IGF1: variants seen among roughly 807,000 people sequenced by gnomAD.
The protein encoded by IGF1 is insulin-like growth factor 1.
In IGF1, 4 loss-of-function variants were observed where a neutral mutation model predicts 13.8. The ratio of observed to expected loss-of-function variants is 0.29; its 90% CI spans 0.14 to 0.66. The LOEUF is 0.66. Ranked by LOEUF, IGF1 falls within the 30% of genes least tolerant of loss-of-function variation. The pLI, the probability that IGF1 is intolerant of heterozygous loss-of-function variation, is 0.78. For synonymous variants in IGF1, 76 were observed against 72.6 expected (o/e 1.05, Z -0.23); for missense variants, 124 against 188.5 (o/e 0.66, Z 2.00).
intron 2 of IGF1, chr12:102,463,084 A>G (rs1880047098): frequency 1.3e-5 from 2 of 152,224 alleles, no homozygotes; most frequent in African/African-American, 4.8e-5. Flanking sequence ...ATGTTTCAGG[A>G]ATAACAAAGC....
chr12:102,479,242 T>G (rs1469604744), intron 1 of IGF1, among the ~76,000 whole-genome samples: 1 of 152,188 alleles, frequency 6.6e-6, no homozygotes, highest in East Asian at 1.9e-4. Context: ...GGGTGTATCT[T>G]TAACTCCTGG....
chr12:102,405,694 G>T (rs1383530364), intron 3 of IGF1, among the ~76,000 whole-genome samples: 1 of 152,144 alleles, frequency 6.6e-6, no homozygotes, highest in Non-Finnish European at 1.5e-5. Context: ...CATCTGCAAT[G>T]CCCAAACTAA....
At chr12:102,457,037 C>A (rs1329125473) in intron 2 of IGF1, among the ~76,000 whole-genome samples, 1 of 152,096 alleles carries the variant, frequency 6.6e-6, no homozygotes, top group African/African-American at 2.4e-5. Flanking sequence ...CTGACTGTAC[C>A]CATTTGACAA....
At chr12:102,470,176 C>G (rs1435893706) in intron 2 of IGF1, among the ~76,000 whole-genome samples, 7 of 152,198 alleles carry the variant, frequency 4.6e-5, no homozygotes, top group African/African-American at 1.7e-4. Context: ...AACACCAACT[C>G]TATAAGGCAG....
intron 2 of IGF1, among the ~76,000 whole-genome samples, chr12:102,434,676 T>G (rs1049298778): frequency 1.3e-5 from 2 of 152,132 alleles, no homozygotes; most frequent in African/African-American, 4.8e-5. Flanking sequence ...ATGGGATGGC[T>G]GGGTCAAATG....
chr12:102,475,080 T>G (rs1880930650), intron 2 of IGF1, among the ~76,000 whole-genome samples: 1 of 152,184 alleles, frequency 6.6e-6, no homozygotes. Flanking sequence ...CAGTTTGCAT[T>G]TAGAGACAGT....
At chr12:102,433,011 GGAGTGGGA>G (rs1876878494) in intron 2 of IGF1, among the ~76,000 whole-genome samples, 2 of 152,076 alleles carry the variant, frequency 1.3e-5, no homozygotes, top group Admixed American at 6.6e-5. Context: ...TCAGTGTATG[GGAGTGGGA>G]GAGTTTGCAT....
At chr12:102,412,138 AAAAGAAAACC>A (rs1874698504) in intron 3 of IGF1, among the ~76,000 whole-genome samples, 1 of 152,160 alleles carries the variant, frequency 6.6e-6, no homozygotes, top group Non-Finnish European at 1.5e-5. Context: ...AGATACAATA[AAAAGAAAACC>A]AACTTATTTC....
intron 2 of IGF1, among the ~76,000 whole-genome samples, chr12:102,472,435 T>A (rs1464867485): frequency 6.6e-6 from 1 of 152,174 alleles, no homozygotes; most frequent in African/African-American, 2.4e-5. Flanking sequence ...AAACTCTCCT[T>A]GTTAAATATT....
intron 2 of IGF1, chr12:102,463,171 T>C (rs1880057402): frequency 6.6e-6 from 1 of 152,162 alleles, no homozygotes; most frequent in African/African-American, 2.4e-5. Flanking sequence ...AATTGCTCGC[T>C]CCCAAATTAC....
At chr12:102,431,397 G>A (rs1035731760) in intron 2 of IGF1, among the ~76,000 whole-genome samples, 2 of 152,124 alleles carry the variant, frequency 1.3e-5, no homozygotes, top group Non-Finnish European at 1.5e-5. Flanking sequence ...AAATCAGGGC[G>A]TTTGCAATAA....
chr12:102,476,099 A>T (rs942100740), intron 1 of IGF1, among the ~76,000 whole-genome samples: 1 of 152,220 alleles, frequency 6.6e-6, no homozygotes, highest in African/African-American at 2.4e-5. Flanking sequence ...AGAAACGTTT[A>T]CTACGGAAAT....
chr12:102,434,114 G>A (rs1279312852), intron 2 of IGF1, among the ~76,000 whole-genome samples: 3 of 150,346 alleles, frequency 2.0e-5, no homozygotes, highest in Non-Finnish European at 4.4e-5. Context: ...CATCATTTGA[G>A]TTCAGAGGGC....
chr12:102,443,968 C>G (rs1367344434), intron 2 of IGF1, among the ~76,000 whole-genome samples: 1 of 151,966 alleles, frequency 6.6e-6, no homozygotes, highest in East Asian at 1.9e-4. Flanking sequence ...GCTGAGATTA[C>G]AGGTGCCTGC....
chr12:102,457,674 C>A (rs1433607688), intron 2 of IGF1, among the ~76,000 whole-genome samples: 1 of 152,012 alleles, frequency 6.6e-6, no homozygotes. Flanking sequence ...TTTTTGTATT[C>A]TTTTGGAAAT....
intron 2 of IGF1, among the ~76,000 whole-genome samples, chr12:102,441,945 T>TCTCCTTCTCCTTCTC (rs1565984848): frequency 7.0e-6 from 1 of 142,070 alleles, no homozygotes; most frequent in African/African-American, 2.6e-5. Flanking sequence ...TTCTTCTTCT[T>TCTCCTTCTCCTTCTC]CTTCTTCTTC....
At chr12:102,419,715 T>C in intron 2 of IGF1, 25 bp from the exon 3 acceptor site, 1 of 1,608,566 alleles carries the variant, frequency 6.2e-7, no homozygotes, top group South Asian at 1.1e-5. Context: ...CAGAGTGGCC[T>C]CATGTTAGGG....
rs566378145 is a variant in IGF1, at chr12:102,472,135, A to G, written c.220+3508T>C. ...CTGCAAGAACACAAGGCTGGCTGAT[A>G]GGCTCTCCTATCTTCCCTATGATGC... is the stretch of plus-strand genomic sequence containing the variant. On this transcript the variant is annotated intron_variant, in intron 2 of 3. Transcript: ENST00000337514. Among the ~76,000 whole-genome samples, 26 of 152,252 alleles carry G rather than the reference A, an allele frequency of 1.7e-4. No homozygotes were observed. In the South Asian group the frequency reaches 5.0e-3, roughly 29 times the overall value.
chr12:102,462,605 T>C (rs564069059), intron 2 of IGF1: 1 of 152,306 alleles, frequency 6.6e-6, no homozygotes, highest in African/African-American at 2.4e-5. Flanking sequence ...TTCACAAGTC[T>C]TATGATTCAT....
Sources: gnomAD v4.1 joint callset for allele counts (sites outside exome capture counted in the v4.1 genomes callset) on GRCh38, gnomAD v4.1.1 for gene constraint, MANE v1.5 for transcripts, NCBI Gene and HGNC (gene_info 2026-07-23, HGNC 2026-07-21) for gene names.